Variants in KLHL3 observed in about 807,000 individuals in gnomAD.
The protein encoded by KLHL3 is kelch-like protein 3.
KLHL3 carries 19 observed loss-of-function variants against 70.5 expected under a neutral mutation model. The observed-to-expected ratio is 0.27, with a 90% CI of 0.19 to 0.40. The LOEUF (loss-of-function observed/expected upper bound fraction) is 0.40. Among genes scored for constraint, KLHL3 ranks in the 10% least tolerant of loss-of-function variants. The pLI, the probability that KLHL3 is intolerant of heterozygous loss-of-function variation, is 1.00. For synonymous variants in KLHL3, 258 were observed against 290.3 expected, an observed-to-expected ratio of 0.89 and a Z score of 1.13; for missense variants, 512 against 771.1, an observed-to-expected ratio of 0.66 and a Z score of 3.98.
At chr5:137,696,289 GTCT>G (rs1752442842) in intron 4 of KLHL3, among the ~76,000 whole-genome samples, 2 of 152,048 alleles carry the variant, frequency 1.3e-5, no homozygotes, top group South Asian at 4.1e-4. Context: ...CACACAGTGG[GTCT>G]GGCACAGAAT....
At chr5:137,714,915 A>C (rs1193165627) in intron 2 of KLHL3, among the ~76,000 whole-genome samples, 1 of 152,248 alleles carries the variant, frequency 6.6e-6, no homozygotes, top group Non-Finnish European at 1.5e-5. Flanking sequence ...AACTGTTTGC[A>C]ATGGTGAAAT....
chr5:137,655,302 G>A (rs1020107003), intron 8 of KLHL3, among the ~76,000 whole-genome samples: 11 of 152,318 alleles, frequency 7.2e-5, no homozygotes, highest in Admixed American at 1.3e-4. Flanking sequence ...TGGGGGAAGA[G>A]GGGAATTAAT....
At chr5:137,644,189 C>T (rs1344101483) in intron 8 of KLHL3, among the ~76,000 whole-genome samples, 2 of 152,184 alleles carry the variant, frequency 1.3e-5, no homozygotes, top group South Asian at 2.1e-4. Context: ...CTGCCTCAGC[C>T]TCCCATGTAG....
intron 2 of KLHL3, among the ~76,000 whole-genome samples, chr5:137,713,153 C>CAAAA (rs958291877): frequency 7.1e-4 from 27 of 38,260 alleles, no homozygotes; most frequent in South Asian, 9.1e-4. Context: ...GAATAACCAG[C>CAAAA]AAAAAAAAAA....
At chr5:137,708,968 C>T (rs978532914) in intron 3 of KLHL3, among the ~76,000 whole-genome samples, 2 of 152,170 alleles carry the variant, frequency 1.3e-5, no homozygotes, top group African/African-American at 4.8e-5. Context: ...CTCCTTCTGT[C>T]GGCAGTGATT....
intron 6 of KLHL3, among the ~76,000 whole-genome samples, chr5:137,668,172 GA>G (rs1316849368): frequency 6.6e-6 from 1 of 152,182 alleles, no homozygotes; most frequent in East Asian, 1.9e-4. Flanking sequence ...GGAGGCCGAG[GA>G]GGCCAAGGTG....
intron 8 of KLHL3, among the ~76,000 whole-genome samples, chr5:137,657,322 C>A (rs1006958153): frequency 1.3e-5 from 2 of 152,196 alleles, no homozygotes; most frequent in African/African-American, 4.8e-5. Context: ...TCTCCTCCCA[C>A]CTTTCCTCCT....
At chr5:137,712,156 C>CAAAAAAAA (rs201519598) in intron 2 of KLHL3, among the ~76,000 whole-genome samples, 8 of 74,860 alleles carry the variant, frequency 1.1e-4, no homozygotes, top group African/African-American at 4.4e-4. Context: ...AAGATTCTGT[C>CAAAAAAAA]AAAAAAAAAA....
chr5:137,642,750 G>A (rs1750945851), intron 8 of KLHL3, among the ~76,000 whole-genome samples: 1 of 152,124 alleles, frequency 6.6e-6, no homozygotes, highest in African/African-American at 2.4e-5. Flanking sequence ...TGGAGACAGT[G>A]AGGAAAAAGC....
intron 6 of KLHL3, among the ~76,000 whole-genome samples, chr5:137,668,310 C>A (rs1214443601): frequency 6.6e-6 from 1 of 152,134 alleles, no homozygotes; most frequent in Non-Finnish European, 1.5e-5. Context: ...ACTCAGAAGG[C>A]TGAGGCAGGA....
Position 137,618,894 on chromosome 5 carries a change from T to TAAAAAAAAAAAAAA in KLHL3, c.*3190_*3203dup, listed in dbSNP as rs1045906480. 6.8e-6 allele frequency: 1 copy of TAAAAAAAAAAAAAA among 146,208 alleles called. No individual in the cohort carries two copies. The highest frequency in any genetic ancestry group is 6.7e-5 in the Admixed American group (1 of 14,838). The allele number at this position is 146,208 out of a possible 1,614,324, so 9.1% of individuals were successfully genotyped here. A position where few individuals can be genotyped will look rare whatever the true frequency, so the allele number is the denominator to read the frequency against. On this transcript the variant is annotated 3_prime_UTR_variant, in exon 15 of 15. Transcript: ENST00000309755. ...CAGACTCCCTTGAATATGGTATTTT[T>TAAAAAAAAAAAAAA]AAAAAAAAAAAAAAGGCTCATCTAC...
Position 137,619,671 on chromosome 5 carries a change from C to CGTACCAGTGTTCTG in KLHL3, c.*2413_*2426dup, listed in dbSNP as rs1756339187. The CGTACCAGTGTTCTG allele has an allele frequency of 6.5e-6, 1 of 152,720 alleles. No individual in the cohort carries two copies. The highest frequency in any genetic ancestry group is 1.9e-4 in the East Asian group (1 of 5,200). 9.5% of individuals were successfully genotyped at this position (152,720 alleles called of 1,614,324 possible). ...TAGAGCAGATTGGCTTTGGTGATGA[C>CGTACCAGTGTTCTG]GTACCAGTGTTCTGGTCCCCGTGAA... On this transcript the variant is annotated 3_prime_UTR_variant, in exon 15 of 15. Coordinates refer to ENST00000309755, the MANE Select transcript of KLHL3 (RefSeq NM_017415.3).
At position 137,735,694 on chromosome 5, in the gene KLHL3, C is replaced by T. The variant is rs570368567; in HGVS notation, c.-48G>A. 124 of 1,613,960 alleles carry T rather than the reference C, an allele frequency of 7.7e-5. 1 individual carries two copies. The Admixed American group carries it at 1.5e-3, about 20-fold the overall frequency. ...GTAGCTGCTGAACTGTGTATGCACT[C>T]GGGGATCCTAGTTCTGTTCTTGATT... On this transcript the variant is annotated 5_prime_UTR_variant, in exon 1 of 15. Coordinates refer to ENST00000309755, the MANE Select transcript of KLHL3 (RefSeq NM_017415.3).
intron 3 of KLHL3, chr5:137,706,379 T>C: frequency 2.0e-6 from 2 of 985,354 alleles, no homozygotes; most frequent in Non-Finnish European, 2.4e-6. Flanking sequence ...TGGAGATTTT[T>C]AGTATCTGTT....
chr5:137,727,241 C>CACTCCTCACAT (rs1177595285), intron 1 of KLHL3, among the ~76,000 whole-genome samples: 12 of 152,126 alleles, frequency 7.9e-5, no homozygotes, highest in African/African-American at 2.9e-4. Context: ...CTCTCTCTCT[C>CACTCCTCACAT]ACTCCTCACA....
At chr5:137,700,439 G>C (rs1752542968) in intron 3 of KLHL3, among the ~76,000 whole-genome samples, 1 of 152,252 alleles carries the variant, frequency 6.6e-6, no homozygotes, top group African/African-American at 2.4e-5. Context: ...AGCCTGGGCT[G>C]ACTGTTTTCT....
intron 7 of KLHL3, 156 bp downstream of exon 7, chr5:137,661,759 T>A: frequency 1.8e-6 from 1 of 568,750 alleles, no homozygotes; most frequent in South Asian, 2.6e-5. Context: ...TCTTAAACTT[T>A]ACAACACCTA....
At chr5:137,657,532 T>A (rs538327341) in intron 8 of KLHL3, among the ~76,000 whole-genome samples, 1 of 152,268 alleles carries the variant, frequency 6.6e-6, no homozygotes, top group South Asian at 2.1e-4. Flanking sequence ...GGTCTCTAGA[T>A]CATGGGGTCC....
intron 5 of KLHL3, among the ~76,000 whole-genome samples, chr5:137,685,580 A>G (rs1473593829): frequency 1.3e-5 from 2 of 152,234 alleles, no homozygotes. Context: ...TTTGGTCATG[A>G]GTATAAATTG....
Sources: gnomAD v4.1 joint callset for allele counts (sites outside exome capture counted in the v4.1 genomes callset) on GRCh38, gnomAD v4.1.1 for gene constraint, MANE v1.5 for transcripts, NCBI Gene and HGNC (gene_info 2026-07-23, HGNC 2026-07-21) for gene names.